GMNN: variants seen among roughly 807,000 people sequenced by gnomAD.
GMNN encodes geminin.
A neutral mutation model predicts 20.9 loss-of-function variants in GMNN; 14 were observed. The observed-to-expected ratio is 0.67, with a 90% CI of 0.44 to 1.05. The LOEUF (loss-of-function observed/expected upper bound fraction) is 1.05, where lower values mean the gene tolerates loss of function less well. Among genes scored for constraint, GMNN ranks in the 50% least tolerant of loss-of-function variants. The probability of loss-of-function intolerance (pLI) is 0.00; values close to 1 mark genes in which losing one functional copy is unlikely to be tolerated. For synonymous variants in GMNN, 81 were observed against 85.8 expected (o/e 0.94, Z 0.31); for missense variants, 227 against 243.8 (o/e 0.93, Z 0.46).
At position 24,777,031 on chromosome 6, in the gene GMNN, G is replaced by A. The variant is rs143606837; in HGVS notation, c.-25-191G>A. On this transcript the variant is annotated intron_variant, in intron 1 of 6. Coordinates refer to ENST00000230056, the MANE Select transcript of GMNN (RefSeq NM_015895.5). The stretch of plus-strand genomic sequence containing the variant: ...TTTTTCAGCTATAATTATTATGTGT[G>A]TATATATGTAAAATATAGATATCAA... The A allele has an allele frequency of 1.9e-3, 657 of 354,916 alleles. 7 individuals are homozygous for A. The East Asian group carries it at 0.023, about 12-fold the overall frequency. 22.0% of individuals were successfully genotyped at this position (354,916 alleles called of 1,614,324 possible). A position where few individuals can be genotyped will look rare whatever the true frequency, so the allele number is the denominator to read the frequency against.
intron 1 of GMNN, among the ~76,000 whole-genome samples, chr6:24,776,500 T>C (rs1002456409): frequency 2.6e-5 from 4 of 152,140 alleles, no homozygotes; most frequent in Non-Finnish European, 4.4e-5. Flanking sequence ...CAAGGTAAAA[T>C]GTATTAATGT....
chr6:24,784,115 A>G lies in GMNN; in HGVS notation c.303A>G (p.Glu101=). Residue 101 remains glutamate (E), a synonymous_variant, in exon 5 of 7, where the codon GAA becomes GAG. Transcript: ENST00000230056. ...ATCCATCCTCTCAGTATTGGAAGGA[A>G]GTGGCAGAAAAACGGAGAAAGGCGC... ...KENPSSQYWK[E]VAEKRRKALY... The G allele has an allele frequency of 6.6e-7, 1 of 1,511,756 alleles. No homozygotes were observed. The highest frequency in any genetic ancestry group is 9.2e-7 in the Non-Finnish European group (1 of 1,088,682). The allele number at this position is 1,511,756 out of a possible 1,614,324, so 93.6% of individuals were successfully genotyped here.
At chr6:24,781,668 A>G in intron 4 of GMNN, 47 bp downstream of exon 4, 1 of 946,178 alleles carries the variant, frequency 1.1e-6, no homozygotes, top group Non-Finnish European at 1.5e-6. Flanking sequence ...ATTATGATAT[A>G]AGGAAAAATT....
In GMNN at chr6:24,777,181, C is replaced by T. The variant is rs917752117; in HGVS notation, c.-25-41C>T. 9 of 641,326 alleles carry T rather than the reference C, an allele frequency of 1.4e-5. 1 individual carries two copies. The highest frequency in any genetic ancestry group is 5.5e-4 in the Middle Eastern group (2 of 3,640). The allele number at this position is 641,326 out of a possible 1,614,324, so 39.7% of individuals were successfully genotyped here. A position where few individuals can be genotyped will look rare whatever the true frequency, so the allele number is the denominator to read the frequency against. ...TTGTAAGTATTTTAAACCTAGACTC[C>T]ACCTTCGGGGGTGCAAACCATATTG... On this transcript the variant is annotated intron_variant, in intron 1 of 6. Coordinates refer to ENST00000230056, the MANE Select transcript of GMNN (RefSeq NM_015895.5).
chr6:24,779,727 G>A (rs1407316208), intron 2 of GMNN, among the ~76,000 whole-genome samples: 1 of 152,176 alleles, frequency 6.6e-6, no homozygotes, highest in Non-Finnish European at 1.5e-5. Flanking sequence ...TCCCATGGTG[G>A]CAGTATAACT....
chr6:24,783,702 G>A (rs1232449266), intron 4 of GMNN, among the ~76,000 whole-genome samples: 1 of 151,946 alleles, frequency 6.6e-6, no homozygotes, highest in Non-Finnish European at 1.5e-5. Context: ...TAGTATTCCT[G>A]CCAAAAATGT....
chr6:24,784,696 T>G, intron 6 of GMNN, 142 bp downstream of exon 6: 2 of 495,926 alleles, frequency 4.0e-6, no homozygotes, highest in Non-Finnish European at 7.3e-6. Flanking sequence ...CTAACACCAT[T>G]AAGTTTGCTG....
intron 1 of GMNN, 173 bp from the exon 2 acceptor site, chr6:24,777,049 G>A (rs1475325550): frequency 2.9e-5 from 11 of 374,910 alleles, no homozygotes; most frequent in Non-Finnish European, 2.9e-5. Context: ...GTAAAATATA[G>A]ATATCAAGAG....
intron 6 of GMNN, 90 bp downstream of exon 6, chr6:24,784,644 C>T (rs1562194588): frequency 1.7e-6 from 1 of 580,852 alleles, no homozygotes; most frequent in East Asian, 2.9e-5. Context: ...AGTGTTAGGG[C>T]TCTGGAATCA....
Position 24,780,290 on chromosome 6 carries a change from G to T in GMNN, c.52-373G>T, listed in dbSNP as rs906895940. On this transcript the variant is annotated intron_variant, in intron 2 of 6. Coordinates refer to ENST00000230056, the MANE Select transcript of GMNN (RefSeq NM_015895.5). ...ATATGTGGTTTGAAACTGTTCATTG[G>T]AGCTGAGGAATTTTGTTACGTTTGT... Among the ~76,000 whole-genome samples, 8 of 152,224 alleles carry T rather than the reference G, an allele frequency of 5.3e-5. No individual in the cohort carries two copies. The East Asian group carries it at 1.5e-3, about 29-fold the overall frequency.
chr6:24,781,989 G>A (rs62400832), intron 4 of GMNN, among the ~76,000 whole-genome samples: 4,035 of 152,176 alleles, frequency 0.027, 85 homozygotes, highest in Non-Finnish European at 0.038. Context: ...GCTGAGTCAG[G>A]AGGATCACTT....
At position 24,775,061 on chromosome 6, in the gene GMNN, G is replaced by C. The variant is rs547901086; in HGVS notation, c.-209G>C. 1 of 152,490 alleles carries C rather than the reference G, an allele frequency of 6.6e-6. No homozygotes were observed. Among genetic ancestry groups the C allele is most frequent in the East Asian group, 1.9e-4 (1 of 5,178 alleles). 9.4% of individuals were successfully genotyped at this position (152,490 alleles called of 1,614,324 possible). On this transcript the variant is annotated 5_prime_UTR_variant, in exon 1 of 7. Coordinates refer to ENST00000230056, the MANE Select transcript of GMNN (RefSeq NM_015895.5). ...GGTGAGCTGTGGCCTTTTGCGAGGT[G>C]CTGCAGCCATAGCTACGTGCGTTCG... is the stretch of plus-strand genomic sequence containing the variant.
intron 2 of GMNN, among the ~76,000 whole-genome samples, chr6:24,779,534 C>T (rs9461068): frequency 0.073 from 11,086 of 152,112 alleles, 1,163 homozygotes; most frequent in African/African-American, 0.22. Context: ...TAATATTTGT[C>T]CTCACAGTAG....
chr6:24,778,589 T>G (rs1780134206), intron 2 of GMNN, among the ~76,000 whole-genome samples: 5 of 151,960 alleles, frequency 3.3e-5, no homozygotes, highest in African/African-American at 1.2e-4. Flanking sequence ...GATGGGTTTT[T>G]TGTTTGCCTT....
intron 1 of GMNN, chr6:24,775,903 A>G (rs1430131964): frequency 1.3e-5 from 2 of 152,096 alleles, no homozygotes; most frequent in Admixed American, 1.3e-4. Context: ...TCGTCTCTTC[A>G]ATTCCATTCT....
At chr6:24,782,641 A>C (rs1335167714) in intron 4 of GMNN, among the ~76,000 whole-genome samples, 1 of 152,248 alleles carries the variant, frequency 6.6e-6, no homozygotes, top group Non-Finnish European at 1.5e-5. Flanking sequence ...AGGATTTGTG[A>C]CACTCATATC....
chr6:24,785,888 C>A lies in GMNN; in HGVS notation c.*89C>A. ...AGCAGAGTACATAACTACATAATGC[C>A]AACTCTGGAATCAAATTTCCTTGTT... On this transcript the variant is annotated 3_prime_UTR_variant, in exon 7 of 7. Transcript: ENST00000230056. The A allele has an allele frequency of 2.7e-6, 2 of 746,896 alleles. No individual in the cohort carries two copies. The highest frequency in any genetic ancestry group is 3.5e-5 in the South Asian group (2 of 56,510). The allele number at this position is 746,896 out of a possible 1,614,324, so 46.3% of individuals were successfully genotyped here.
rs762288367 is a variant in GMNN at position 24,777,217 on chromosome 6, A to G, written c.-25-5A>G. On this transcript the variant is annotated splice_region_variant and splice_polypyrimidine_tract_variant and intron_variant, in intron 1 of 6. Transcript: ENST00000230056. ...GTGCAAACCATATTGTTTTTTAATT[A>G]CTAGTCTTCTGTGCTTCACCATCTA... The G allele has an allele frequency of 2.7e-6, 3 of 1,112,144 alleles. No homozygotes were observed. The highest frequency in any genetic ancestry group is 3.9e-6 in the Non-Finnish European group (3 of 775,324). 68.9% of individuals were successfully genotyped at this position (1,112,144 alleles called of 1,614,324 possible).
At chr6:24,781,275 C>G (rs2113578170) in intron 3 of GMNN, among the ~76,000 whole-genome samples, 1 of 151,952 alleles carries the variant, frequency 6.6e-6, no homozygotes, top group South Asian at 2.1e-4. Context: ...CCAGTCTAAT[C>G]CAAAATAATT....
Sources: allele counts gnomAD v4.1 joint callset (sites outside exome capture counted in the v4.1 genomes callset), GRCh38; gene constraint gnomAD v4.1.1; transcripts MANE v1.5; gene names NCBI Gene and HGNC (gene_info 2026-07-23, HGNC 2026-07-21).